Variants in NRG1 observed in about 807,000 individuals in gnomAD.
The protein encoded by NRG1 is neuregulin 1.
In NRG1, 18 loss-of-function variants were observed where a neutral mutation model predicts 63.8. The observed-to-expected ratio is 0.28, with a 90% confidence interval of 0.19 to 0.42. NRG1 has a LOEUF of 0.42. Ranked by LOEUF, NRG1 falls within the 10% of genes least tolerant of loss-of-function variation. The pLI is 1.00. For synonymous variants in NRG1, 302 were observed against 301.3 expected (o/e 1.00, Z -0.02); for missense variants, 762 against 814.7 (o/e 0.94, Z 0.79).
rs571740343 is a variant in NRG1, at chr8:31,665,850, C to T, written c.37+26419C>T. ...ATTTGCTCCATTTTCAAATGAGTTT[C>T]CTTGGCTGCAGGAGCAGCAGCAGAG... On this transcript the variant is annotated intron_variant, in intron 1 of 10. Coordinates refer to the NRG1 transcript ENST00000519301. 2.0e-4 allele frequency among the ~76,000 whole-genome samples: 31 copies of T among 152,158 alleles called. No individual in the cohort carries two copies. In the South Asian group the frequency reaches 3.9e-3, roughly 19 times the overall value.
rs78772540 is a variant in NRG1, at chr8:32,039,932, G to A, written c.37+400501G>A. ...CAAGCTACTTGGGGCTGAGGTGGGA[G>A]GATTGCTTGAACCGAAGAGTTTGAG... On this transcript the variant is annotated intron_variant, in intron 1 of 10. Transcript: ENST00000519301. Among the ~76,000 whole-genome samples the A allele has an allele frequency of 1.0e-3, 157 of 152,240 alleles. 1 individual carries two copies. The East Asian group carries it at 0.026, about 25-fold the overall frequency.
In NRG1 at chr8:32,346,934, A is replaced by G. The variant is rs576256756; in HGVS notation, c.38-248894A>G. ...AAGCTCCACCTTCCAGGTTCATGCC[A>G]TTCTCCTGCCTCAGCCTCCCAAGCA... On this transcript the variant is annotated intron_variant, in intron 1 of 10. Transcript: ENST00000519301. 3.8e-3 allele frequency among the ~76,000 whole-genome samples: 577 copies of G among 151,254 alleles called. 3 individuals carry two copies. The highest frequency in any genetic ancestry group is 0.013 in the African/African-American group (542 of 41,146).
chr8:32,080,992 C>A (rs188520662), intron 1 of NRG1, among the ~76,000 whole-genome samples: 4 of 152,148 alleles, frequency 2.6e-5, no homozygotes, highest in Admixed American at 1.3e-4. Context: ...AGAGGTCAGT[C>A]TTTTGTTCTA....
chr8:32,772,041 GTATATATATA>G (rs1157977487), downstream of NRG1, among the ~76,000 whole-genome samples: 13 of 10,552 alleles, frequency 1.2e-3, no homozygotes, highest in African/African-American at 2.8e-3. Flanking sequence ...AAAAAAATAT[GTATATATATA>G]TATATATATA....
intron 1 of NRG1, among the ~76,000 whole-genome samples, chr8:31,969,078 A>C (rs1326934944): frequency 6.6e-5 from 10 of 152,066 alleles, no homozygotes; most frequent in Admixed American, 6.6e-4. Flanking sequence ...GCCCTTTATA[A>C]TTCCTGTGTA....
intron 1 of NRG1, among the ~76,000 whole-genome samples, chr8:31,693,578 T>A (rs1809755695): frequency 6.6e-6 from 1 of 152,196 alleles, no homozygotes. Context: ...ACAATATGTT[T>A]TTCTGAACTG....
At chr8:31,810,329 G>A (rs73592063) in intron 1 of NRG1, among the ~76,000 whole-genome samples, 506 of 152,076 alleles carry the variant, frequency 3.3e-3, no homozygotes, top group African/African-American at 0.011. Context: ...CATAAATCAA[G>A]TTCCATCACT....
intron 5 of NRG1, among the ~76,000 whole-genome samples, chr8:32,694,390 A>C (rs762907624): frequency 3.9e-5 from 6 of 152,126 alleles, no homozygotes; most frequent in Non-Finnish European, 8.8e-5. Context: ...AACTCTTCTG[A>C]CATTTCAGAG....
chr8:32,029,372 A>G (rs894951189), intron 1 of NRG1: 1 of 152,204 alleles, frequency 6.6e-6, no homozygotes, highest in Non-Finnish European at 1.5e-5. Context: ...TTTACTTGCA[A>G]TTCCAGAATC....
intron 1 of NRG1, among the ~76,000 whole-genome samples, chr8:32,580,865 G>A (rs1342565099): frequency 6.6e-6 from 1 of 152,074 alleles, no homozygotes; most frequent in Admixed American, 6.6e-5. Context: ...ATTGAGCAGT[G>A]TTCAACTGAT....
In NRG1 at chr8:32,292,170, A is replaced by T. The variant is rs73673833; in HGVS notation, c.38-303658A>T. Among the ~76,000 whole-genome samples the T allele has an allele frequency of 2.6e-3, 399 of 152,304 alleles. 3 individuals carry two copies. Among genetic ancestry groups the T allele is most frequent in the African/African-American group, 9.3e-3 (388 of 41,568 alleles). ...CCTGAAATGTTTACTTTATACTATG[A>T]TCTTAAAACTATTTATTTTAATAAT... On this transcript the variant is annotated intron_variant, in intron 1 of 10. Transcript: ENST00000519301.
At chr8:31,680,967 A>G (rs980636024) in intron 1 of NRG1, among the ~76,000 whole-genome samples, 7 of 152,158 alleles carry the variant, frequency 4.6e-5, no homozygotes, top group African/African-American at 1.7e-4. Flanking sequence ...ACAGTATAGT[A>G]TTGAGTAGAA....
chr8:31,862,453 A>G (rs977327106), intron 1 of NRG1, among the ~76,000 whole-genome samples: 2 of 152,204 alleles, frequency 1.3e-5, no homozygotes, highest in African/African-American at 4.8e-5. Context: ...AAAATATCTA[A>G]CATTCGGCCA....
rs2131584617 is a variant in NRG1 at position 31,774,221 on chromosome 8, A to C, written c.37+134790A>C. ...GCACTTGTGGTTGCCTCTACTGGGC[A>C]CTTCATATTCCCCCAGATTTTTGCC... On this transcript the variant is annotated intron_variant, in intron 1 of 10. Coordinates refer to the NRG1 transcript ENST00000519301. Among the ~76,000 whole-genome samples, 2 of 152,028 alleles carry C rather than the reference A, an allele frequency of 1.3e-5. 1 individual carries two copies. Among genetic ancestry groups the C allele is most frequent in the Admixed American group, 1.3e-4 (2 of 15,260 alleles).
In NRG1 at chr8:31,677,206, C is replaced by G. The variant is rs1009123615; in HGVS notation, c.37+37775C>G. Among the ~76,000 whole-genome samples the G allele has an allele frequency of 2.0e-5, 3 of 152,080 alleles. No homozygotes were observed. The East Asian group carries it at 5.8e-4, about 29-fold the overall frequency. ...GTTTCCTATCTGGGATAGGACATCG[C>G]TTTTGATAATAATTCAATATTTAAA... On this transcript the variant is annotated intron_variant, in intron 1 of 10. Coordinates refer to the NRG1 transcript ENST00000519301.
intron 6 of NRG1, among the ~76,000 whole-genome samples, chr8:32,736,558 T>C (rs1266362406): frequency 1.3e-5 from 2 of 152,218 alleles, no homozygotes; most frequent in African/African-American, 4.8e-5. Flanking sequence ...TTTGTAAACA[T>C]AGGCATCAAA....
At chr8:32,350,867 G>A (rs1033797440) in intron 1 of NRG1, among the ~76,000 whole-genome samples, 2 of 152,054 alleles carry the variant, frequency 1.3e-5, no homozygotes, top group African/African-American at 2.4e-5. Context: ...TAATCACCAC[G>A]TCTGTCCAGA....
intron 1 of NRG1, among the ~76,000 whole-genome samples, chr8:32,290,341 TTA>T (rs1335521677): frequency 1.3e-5 from 2 of 151,686 alleles, no homozygotes; most frequent in African/African-American, 2.4e-5. Flanking sequence ...ATGTATACAA[TTA>T]TATATATATA....
chr8:32,718,833 A>G (rs1299302798), intron 5 of NRG1, among the ~76,000 whole-genome samples: 1 of 152,160 alleles, frequency 6.6e-6, no homozygotes, highest in Admixed American at 6.5e-5. Flanking sequence ...TGTTAAATTC[A>G]TGCCTGACTG....
Sources: allele counts gnomAD v4.1 joint callset (sites outside exome capture counted in the v4.1 genomes callset), GRCh38; gene constraint gnomAD v4.1.1; transcripts MANE v1.5; gene names NCBI Gene and HGNC (gene_info 2026-07-23, HGNC 2026-07-21).